The following DHRSX variants were observed in gnomAD, a reference collection of about 807,000 sequenced individuals.
DHRSX encodes the protein dehydrogenase/reductase X-linked.
Under a neutral mutation model 34.0 loss-of-function variants are expected in DHRSX, and 31 were observed. The ratio of observed to expected loss-of-function variants is 0.91; its 90% CI spans 0.69 to 1.23. The LOEUF is 1.23. DHRSX is among the 50% of genes most tolerant of loss of function. DHRSX has a pLI of 0.00. For missense variants in DHRSX, 414 were observed against 428.1 expected (o/e 0.97, Z 0.29); for synonymous variants, 201 against 183.8 (o/e 1.09, Z -0.76).
At chrX:2,453,780 C>G (rs1425520382) in intron 1 of DHRSX, among the ~76,000 whole-genome samples, 1 of 148,926 alleles carries the variant, frequency 6.7e-6, no homozygotes, top group African/African-American at 2.4e-5. Context: ...GCGTCTTTCA[C>G]AATGACTAAA....
At chrX:2,440,626 C>T (rs1409673122) in intron 1 of DHRSX, among the ~76,000 whole-genome samples, 1 of 151,862 alleles carries the variant, frequency 6.6e-6, no homozygotes, top group Non-Finnish European at 1.5e-5. Context: ...ATGCTGGATG[C>T]TTCCTGCCCT....
chrX:2,372,742 G>A (rs1175843178), intron 3 of DHRSX, among the ~76,000 whole-genome samples: 2 of 151,770 alleles, frequency 1.3e-5, no homozygotes, highest in Non-Finnish European at 2.9e-5. Flanking sequence ...CCGAGTAGCT[G>A]GGATTACAGG....
At chrX:2,455,707 C>T (rs2044285836) in intron 1 of DHRSX, among the ~76,000 whole-genome samples, 1 of 145,592 alleles carries the variant, frequency 6.9e-6, no homozygotes, top group Non-Finnish European at 1.5e-5. Context: ...TGCTACTGCA[C>T]TCCAGCCTTG....
intron 3 of DHRSX, among the ~76,000 whole-genome samples, chrX:2,331,680 C>A (rs1303321980): frequency 3.3e-5 from 5 of 151,920 alleles, no homozygotes. Context: ...AAACTCCTGA[C>A]CTCAGGTGAT....
chrX:2,364,556 C>T (rs1390482484), intron 3 of DHRSX, among the ~76,000 whole-genome samples: 1 of 152,174 alleles, frequency 6.6e-6, no homozygotes, highest in Non-Finnish European at 1.5e-5. Flanking sequence ...TATCTATCGA[C>T]CTATTTACCA....
At chrX:2,393,090 T>C (rs2043355098) in intron 3 of DHRSX, among the ~76,000 whole-genome samples, 1 of 147,282 alleles carries the variant, frequency 6.8e-6, no homozygotes, top group South Asian at 2.1e-4. Flanking sequence ...AATATATACA[T>C]TGAACATAAT....
intron 1 of DHRSX, among the ~76,000 whole-genome samples, chrX:2,457,407 C>T (rs1387969608): frequency 6.6e-6 from 1 of 151,568 alleles, no homozygotes; most frequent in Non-Finnish European, 1.5e-5. Flanking sequence ...GGGACCTCTG[C>T]TGTGTGCACA....
chrX:2,343,434 T>G (rs780797883), intron 3 of DHRSX, among the ~76,000 whole-genome samples: 2 of 152,222 alleles, frequency 1.3e-5, no homozygotes, highest in Non-Finnish European at 2.9e-5. Context: ...GCATCATGCC[T>G]ACAGGAGCCA....
chrX:2,269,160 G>C lies in DHRSX; in HGVS notation c.389-2213C>G, dbSNP rs758740367. On this transcript the variant is annotated intron_variant, in intron 4 of 6. Coordinates refer to ENST00000334651, the MANE Select transcript of DHRSX (RefSeq NM_145177.3). ...TGGAGCTATCTATACATATATGTAGGTCTAGCATTTGTCTACATATTTGTA... is the reference window on the plus strand; with the variant it reads ...TGGAGCTATCTATACATATATGTAGCTCTAGCATTTGTCTACATATTTGTA... Among the ~76,000 whole-genome samples, 8 of 152,150 alleles carry C rather than the reference G, an allele frequency of 5.3e-5. No individual in the cohort carries two copies. The South Asian group carries it at 1.7e-3, about 32-fold the overall frequency.
intron 5 of DHRSX, among the ~76,000 whole-genome samples, chrX:2,254,069 CAAAA>C (rs898341884): frequency 6.8e-6 from 1 of 146,974 alleles, no homozygotes; most frequent in African/African-American, 2.6e-5. Flanking sequence ...CAAAAAAAAA[CAAAA>C]AGAAAGGAGC....
In DHRSX at chrX:2,250,077, G is replaced by A. The variant is rs1194228474; in HGVS notation, c.597-6847C>T. Reference sequence around the variant, plus strand: ...ACTTGGGTGCTGAGGCAGGAGAATCGCTTGAACCCGGGAGGTGAAGATTGC... The same window carrying A: ...ACTTGGGTGCTGAGGCAGGAGAATCACTTGAACCCGGGAGGTGAAGATTGC... On this transcript the variant is annotated intron_variant, in intron 5 of 6. Transcript: ENST00000334651. Among the ~76,000 whole-genome samples the A allele has an allele frequency of 3.4e-5, 5 of 148,610 alleles. No homozygotes were observed. The East Asian group carries it at 6.0e-4, about 18-fold the overall frequency.
chrX:2,256,268 C>T (rs2041277206), intron 5 of DHRSX, among the ~76,000 whole-genome samples: 1 of 150,204 alleles, frequency 6.7e-6, no homozygotes, highest in Non-Finnish European at 1.5e-5. Context: ...GCTGGGATGA[C>T]AGACTTAAGC....
chrX:2,304,364 G>C (rs73628287), intron 3 of DHRSX, among the ~76,000 whole-genome samples: 9,468 of 150,566 alleles, frequency 0.063, 449 homozygotes, highest in African/African-American at 0.12. Flanking sequence ...TGGATGGATA[G>C]ATGGATGGAT....
At chrX:2,230,307 A>T (rs747762410) in intron 6 of DHRSX, among the ~76,000 whole-genome samples, 1 of 152,322 alleles carries the variant, frequency 6.6e-6, no homozygotes, top group East Asian at 1.9e-4. Flanking sequence ...CTAAACTTCT[A>T]GGGATGTTTC....
chrX:2,456,966 G>C (rs2044307448), intron 1 of DHRSX, among the ~76,000 whole-genome samples: 1 of 151,948 alleles, frequency 6.6e-6, no homozygotes, highest in Non-Finnish European at 1.5e-5. Flanking sequence ...GGAATGAATG[G>C]GGTCAGGACA....
At chrX:2,336,458 C>T (rs1247382930) in intron 3 of DHRSX, 1 of 152,172 alleles carries the variant, frequency 6.6e-6, no homozygotes, top group Non-Finnish European at 1.5e-5. Context: ...TCAACAAAAA[C>T]AGGTTGTGTT....
intron 3 of DHRSX, among the ~76,000 whole-genome samples, chrX:2,386,178 T>C (rs1038191799): frequency 8.0e-5 from 12 of 150,750 alleles, no homozygotes; most frequent in African/African-American, 2.9e-4. Flanking sequence ...TTTATTTATT[T>C]ATTTATTTAT....
intron 1 of DHRSX, among the ~76,000 whole-genome samples, chrX:2,497,069 G>A (rs1237054943): frequency 5.9e-5 from 9 of 151,988 alleles, no homozygotes. Flanking sequence ...AACTGTCTGG[G>A]GTCCTCATTT....
chrX:2,282,621 GGA>G (rs1491525354), intron 4 of DHRSX, among the ~76,000 whole-genome samples: 3 of 56,966 alleles, frequency 5.3e-5, no homozygotes, highest in Admixed American at 1.9e-4. Flanking sequence ...AAGAGGGGAG[GGA>G]GAGAAGAAGG....
Sources: gnomAD v4.1 joint callset for allele counts (sites outside exome capture counted in the v4.1 genomes callset) on GRCh38, gnomAD v4.1.1 for gene constraint, MANE v1.5 for transcripts, NCBI Gene and HGNC (gene_info 2026-07-23, HGNC 2026-07-21) for gene names.